Variants in WDR20 observed in about 807,000 individuals in gnomAD.
WDR20 encodes the protein WD repeat-containing protein 20.
A neutral mutation model predicts 38.7 loss-of-function variants in WDR20; 3 were observed. The observed-to-expected ratio is 0.08, with a 90% CI of 0.04 to 0.20. The LOEUF (loss-of-function observed/expected upper bound fraction) is 0.20, where lower values mean the gene tolerates loss of function less well. Among genes scored for constraint, WDR20 ranks in the 10% least tolerant of loss-of-function variants. The pLI is 1.00. For missense variants in WDR20, 559 were observed against 727.7 expected (o/e 0.77, Z 2.67); for synonymous variants, 298 against 285.6 (o/e 1.04, Z -0.44).
intron 1 of WDR20, among the ~76,000 whole-genome samples, chr14:102,145,639 CAT>C (rs2053326443): frequency 1.3e-5 from 2 of 152,096 alleles, no homozygotes; most frequent in African/African-American, 4.8e-5. Context: ...GGCGTGGTGT[CAT>C]GTGCCTCTAG....
intron 1 of WDR20, among the ~76,000 whole-genome samples, chr14:102,192,731 G>A (rs2058720724): frequency 6.6e-6 from 1 of 152,072 alleles, no homozygotes; most frequent in African/African-American, 2.4e-5. Context: ...TATTTTCTCT[G>A]TTAATTTCTG....
chr14:102,210,122 T>C lies in WDR20; in HGVS notation c.*242T>C. ...CAAGTCAGTCATCCTCCTGGGAGTA[T>C]ATAGAGTCCCAAGGTTAGCGCTCCT... On this transcript the variant is annotated 3_prime_UTR_variant, in exon 3 of 3. Coordinates refer to ENST00000342702, the MANE Select transcript of WDR20 (RefSeq NM_144574.4). The C allele has an allele frequency of 7.9e-7, 1 of 1,267,852 alleles. No homozygotes were observed. The highest frequency in any genetic ancestry group is 9.9e-7 in the Non-Finnish European group (1 of 1,006,940). 78.5% of individuals were successfully genotyped at this position (1,267,852 alleles called of 1,614,324 possible). A position where few individuals can be genotyped will look rare whatever the true frequency, so the allele number is the denominator to read the frequency against.
intron 1 of WDR20, among the ~76,000 whole-genome samples, chr14:102,159,636 C>G (rs1164481492): frequency 6.6e-6 from 1 of 152,116 alleles, no homozygotes; most frequent in African/African-American, 2.4e-5. Flanking sequence ...GAGTTCCAGA[C>G]CAGCCTGGGC....
chr14:102,212,665 G>C, downstream of WDR20: 1 of 1,523,762 alleles, frequency 6.6e-7, no homozygotes, highest in Non-Finnish European at 8.8e-7. Context: ...CTGAGTAATG[G>C]CTCCCGCAGA....
chr14:102,140,888 A>G (rs922647545), intron 1 of WDR20, among the ~76,000 whole-genome samples: 3 of 152,178 alleles, frequency 2.0e-5, no homozygotes, highest in African/African-American at 7.2e-5. Context: ...CCAGTGAACT[A>G]AGCTGGTTCA....
At chr14:102,139,802 C>T (rs1469082990), upstream of WDR20, 9 of 1,451,938 alleles carry the variant, frequency 6.2e-6, no homozygotes, top group South Asian at 5.1e-5. Context: ...CAGGGCTGGC[C>T]CGCGGGTGGG....
chr14:102,224,486 C>G, downstream of WDR20: 1 of 416,462 alleles, frequency 2.4e-6, no homozygotes, highest in East Asian at 7.1e-5. Flanking sequence ...TTTAAAAAAT[C>G]ATATACAACT....
chr14:102,221,359 ACTTT>A lies in WDR20; in HGVS notation c.1693-1467_1693-1464del, dbSNP rs1044840203. On this transcript the variant is annotated intron_variant, in intron 3 of 3. Transcript: ENST00000335263. The surrounding 1 kb of genome is among the most constrained non-coding windows in gnomAD (Gnocchi z 4.8). ...GGACACCACATAGCTTGTGGAAAGC[ACTTT>A]CTTAGGGTGCGCGTGGTGATGAAGG... Among the ~76,000 whole-genome samples, 2 of 152,200 alleles carry A rather than the reference ACTTT, an allele frequency of 1.3e-5. No individual in the cohort carries two copies. Among genetic ancestry groups the A allele is most frequent in the African/African-American group, 4.8e-5 (2 of 41,444 alleles).
rs1416651860 is a variant in WDR20 at position 102,160,964 on chromosome 14, A to AG, written c.249+20792_249+20793insG. 1.1e-3 allele frequency among the ~76,000 whole-genome samples: 158 copies of AG among 145,854 alleles called. 4 individuals carry two copies. The East Asian group carries it at 0.029, about 26-fold the overall frequency. On this transcript the variant is annotated intron_variant, in intron 1 of 2. Transcript: ENST00000342702. ...CTCTGTCTCAAAAAAAAAAAAAAAA[A>AG]AAAGAATAATGCTGCAGTGAATAAC...
At chr14:102,143,665 C>T (rs915128246) in intron 1 of WDR20, among the ~76,000 whole-genome samples, 1 of 151,912 alleles carries the variant, frequency 6.6e-6, no homozygotes, top group African/African-American at 2.4e-5. Context: ...CTCCCTCAGC[C>T]TCCCGAGCAG....
chr14:102,175,580 T>C (rs1269774622), intron 1 of WDR20, among the ~76,000 whole-genome samples: 5 of 152,174 alleles, frequency 3.3e-5, no homozygotes, highest in African/African-American at 4.8e-5. Flanking sequence ...TTTTCCTAGT[T>C]TGGTGAAGAA....
At chr14:102,212,992 C>G (rs1018653960), downstream of WDR20, 3 of 996,248 alleles carry the variant, frequency 3.0e-6, no homozygotes, top group Non-Finnish European at 3.6e-6. Context: ...GTCAGGTGCA[C>G]GCTGCGTGGC....
chr14:102,142,138 G>A (rs1595738138), intron 1 of WDR20, among the ~76,000 whole-genome samples: 6 of 152,128 alleles, frequency 3.9e-5, no homozygotes, highest in East Asian at 1.9e-4. Flanking sequence ...TGTGAAATAC[G>A]TAAATTGCCC....
downstream of WDR20, among the ~76,000 whole-genome samples, chr14:102,211,054 C>T (rs530282189): frequency 6.6e-5 from 10 of 152,308 alleles, 1 homozygote; most frequent in African/African-American, 1.9e-4. This position sits in a 1 kb window ranked among gnomAD's most constrained non-coding sequence, Gnocchi z 4.2. Flanking sequence ...GTGGGAGGCT[C>T]TGCTGCTCCC....
intron 2 of WDR20, among the ~76,000 whole-genome samples, chr14:102,206,880 A>G (rs2061634292): frequency 6.6e-6 from 1 of 152,076 alleles, no homozygotes; most frequent in Admixed American, 6.5e-5. Flanking sequence ...ACCTCCCTCC[A>G]CCATCAAAAA....
intron 1 of WDR20, among the ~76,000 whole-genome samples, chr14:102,189,165 G>A (rs1262162289): frequency 1.3e-5 from 2 of 152,008 alleles, no homozygotes; most frequent in African/African-American, 4.8e-5. Context: ...AGCCCAGATC[G>A]CACCACTGCA....
chr14:102,195,187 G>A, intron 2 of WDR20, 67 bp downstream of exon 2: 9 of 1,554,492 alleles, frequency 5.8e-6, no homozygotes, highest in Non-Finnish European at 7.8e-6. Context: ...ACCGAGGGTA[G>A]TCGGCCTTAT....
At chr14:102,216,968 G>A (rs898250124), downstream of WDR20, among the ~76,000 whole-genome samples, 8 of 152,164 alleles carry the variant, frequency 5.3e-5, no homozygotes, top group African/African-American at 1.9e-4. Context: ...ATGTGTGGCT[G>A]CCTGTCAGAA....
chr14:102,206,084 T>G (rs1250257716), intron 2 of WDR20, among the ~76,000 whole-genome samples: 2 of 152,200 alleles, frequency 1.3e-5, no homozygotes. Flanking sequence ...CCTCCTGGGT[T>G]CAAGTGATTC....
Sources: gnomAD v4.1 joint callset for allele counts (sites outside exome capture counted in the v4.1 genomes callset) on GRCh38, gnomAD v4.1.1 for gene constraint, Gnocchi (gnomAD v3.1) non-coding constraint, MANE v1.5 for transcripts, NCBI Gene and HGNC (gene_info 2026-07-23, HGNC 2026-07-21) for gene names.